COL4A1: variants seen among roughly 807,000 people sequenced by gnomAD.
The protein encoded by COL4A1 is collagen type IV alpha 1 chain, also known as collagen alpha-1(IV) chain.
A neutral mutation model predicts 216.6 loss-of-function variants in COL4A1; 40 were observed. The ratio of observed to expected loss-of-function variants is 0.18; its 90% CI spans 0.14 to 0.24. The LOEUF (loss-of-function observed/expected upper bound fraction) is 0.24, where lower values mean the gene tolerates loss of function less well. COL4A1 is among the 10% of genes least tolerant of loss of function. The pLI, the probability that COL4A1 is intolerant of heterozygous loss-of-function variation, is 1.00. For missense variants in COL4A1, 1,628 were observed against 2,196.8 expected (o/e 0.74, Z 5.18); for synonymous variants, 839 against 810.7 (o/e 1.03, Z -0.59).
At chr13:110,184,872 G>T (rs2139171646) in intron 26 of COL4A1, among the ~76,000 whole-genome samples, 1 of 152,136 alleles carries the variant, frequency 6.6e-6, no homozygotes, top group African/African-American at 2.4e-5. Flanking sequence ...GTTTCACCAT[G>T]TTGGCCAGGC....
intron 18 of COL4A1, among the ~76,000 whole-genome samples, chr13:110,202,238 T>TA (rs564963734): frequency 0.098 from 11,853 of 121,052 alleles, 1,337 homozygotes; most frequent in African/African-American, 0.28. Flanking sequence ...GGAACACTCT[T>TA]AAAAAAAAAA....
intron 41 of COL4A1, among the ~76,000 whole-genome samples, chr13:110,171,423 T>C (rs935710657): frequency 1.3e-5 from 2 of 152,130 alleles, no homozygotes; most frequent in African/African-American, 4.8e-5. Context: ...ATGTCAGCCT[T>C]ATCAAATTGT....
chr13:110,268,773 C>A lies in COL4A1; in HGVS notation c.85-26039G>T, dbSNP rs750024889. Among the ~76,000 whole-genome samples, 2 of 152,218 alleles carry A rather than the reference C, an allele frequency of 1.3e-5. No homozygotes were observed. Among genetic ancestry groups the A allele is most frequent in the Non-Finnish European group, 2.9e-5 (2 of 68,050 alleles). ...ATCAGCTGACTTCCAGGACCACACG[C>A]CTGGCACGTGGGAGGCTCAACAAAT... On this transcript the variant is annotated intron_variant, in intron 1 of 51. Transcript: ENST00000375820. This position sits in a 1 kb window ranked among gnomAD's most constrained non-coding sequence, Gnocchi z 4.1.
rs1408214875 is a variant in COL4A1 at position 110,208,407 on chromosome 13, G to A, written c.693+442C>T. Among the ~76,000 whole-genome samples, 7 of 151,922 alleles carry A rather than the reference G, an allele frequency of 4.6e-5. No individual in the cohort carries two copies. The South Asian group carries it at 8.3e-4, about 18-fold the overall frequency. On this transcript the variant is annotated intron_variant, in intron 12 of 51. Coordinates refer to ENST00000375820, the MANE Select transcript of COL4A1 (RefSeq NM_001845.6). ...CCTGGTGGTGGCCCTGGACATGCCC[G>A]CCTCTGAGAAGAGAGGCCGGTGGTG...
chr13:110,298,611 C>A (rs1884368411), intron 1 of COL4A1: 1 of 152,246 alleles, frequency 6.6e-6, no homozygotes, highest in Non-Finnish European at 1.5e-5. Context: ...TAACCTTCAA[C>A]CGTCTTTTAT....
Position 110,248,458 on chromosome 13 carries a change from G to A in COL4A1, c.85-5724C>T, listed in dbSNP as rs535301759. Among the ~76,000 whole-genome samples the A allele has an allele frequency of 2.6e-3, 392 of 152,300 alleles. 1 individual carries two copies. Among genetic ancestry groups the A allele is most frequent in the Non-Finnish European group, 3.6e-3 (248 of 68,016 alleles). On this transcript the variant is annotated intron_variant, in intron 1 of 51. Transcript: ENST00000375820. ...CCACACGGCAGGGGCGCACTGGTAC[G>A]TTGCTCCAACTGAGGCAAGTTGGAC...
intron 2 of COL4A1, among the ~76,000 whole-genome samples, chr13:110,219,049 G>A (rs184454095): frequency 4.6e-5 from 7 of 152,284 alleles, no homozygotes; most frequent in African/African-American, 1.7e-4. Flanking sequence ...CCTGAATGCC[G>A]CCGCTGGGAA....
chr13:110,238,508 C>T (rs1189422833), intron 2 of COL4A1, among the ~76,000 whole-genome samples: 1 of 152,188 alleles, frequency 6.6e-6, no homozygotes, highest in Non-Finnish European at 1.5e-5. Context: ...AGGCTGGGGT[C>T]CTGCTGAATT....
At chr13:110,153,532 G>A (rs567599046) in intron 50 of COL4A1, among the ~76,000 whole-genome samples, 4 of 152,306 alleles carry the variant, frequency 2.6e-5, no homozygotes, top group East Asian at 1.9e-4. Context: ...ATTCCACTCA[G>A]TATTTCTTAT....
chr13:110,230,039 A>G (rs9521653), intron 2 of COL4A1, among the ~76,000 whole-genome samples: 96,514 of 151,762 alleles, frequency 0.64, 30,886 homozygotes, highest in Admixed American at 0.72. Flanking sequence ...CAAGGGCAGC[A>G]CCCTCCAAAA....
Position 110,268,313 on chromosome 13 carries a change from G to C in COL4A1, c.85-25579C>G, listed in dbSNP as rs1383622963. On this transcript the variant is annotated intron_variant, in intron 1 of 51. Transcript: ENST00000375820. This position sits in a 1 kb window ranked among gnomAD's most constrained non-coding sequence, Gnocchi z 4.1. Reference sequence around the variant, plus strand: ...GAGCACTCTGATGCCTGTCGTGCCAGGCTCAGGAGCTTGGACCTGAATGCA... The same window carrying C: ...GAGCACTCTGATGCCTGTCGTGCCACGCTCAGGAGCTTGGACCTGAATGCA... Among the ~76,000 whole-genome samples, 1 of 152,200 alleles carries C rather than the reference G, an allele frequency of 6.6e-6. No individual in the cohort carries two copies. Among genetic ancestry groups the C allele is most frequent in the Non-Finnish European group, 1.5e-5 (1 of 68,028 alleles).
intron 24 of COL4A1, among the ~76,000 whole-genome samples, chr13:110,191,912 A>G (rs1315246940): frequency 1.3e-5 from 2 of 152,220 alleles, no homozygotes; most frequent in Non-Finnish European, 2.9e-5. Context: ...GAAATCCCAG[A>G]GACCCTGAGG....
At position 110,161,290 on chromosome 13, in the gene COL4A1, T is replaced by C. The variant is rs1877074583; in HGVS notation, c.4542A>G (p.Ala1514=). 1 of 1,614,246 alleles carries C rather than the reference T, an allele frequency of 6.2e-7. No individual in the cohort carries two copies. Among genetic ancestry groups the C allele is most frequent in the East Asian group, 2.2e-5 (1 of 44,888 alleles). ...FCNINNVCNF[A]SRNDYSYWLS... ...GCCAGTACGAGTAGTCATTTCGTGA[T>C]GCAAAGTTGCACACGTTGTTAATAT... The change falls in exon 49 of 52, where the codon GCA becomes GCG. Residue 1514 remains alanine (A), a synonymous_variant. Transcript: ENST00000375820.
chr13:110,179,337 T>C lies in COL4A1; in HGVS notation c.2278A>G (p.Ile760Val). 1.2e-6 allele frequency: 2 copies of C among 1,614,098 alleles called. No individual in the cohort carries two copies. Among genetic ancestry groups the C allele is most frequent in the Non-Finnish European group, 1.7e-6 (2 of 1,180,008 alleles). ...IPGTPGEKGSIGVPGVPGEHG... is the reference protein window; with the variant it reads ...IPGTPGEKGSVGVPGVPGEHG... ...TCTCCAGGAACGCCTGGTACCCCAA[T>C]GCTCCCCTTCTCCCCGGGTGTGCCA... Residue 760 changes from isoleucine (I) to valine (V), a missense_variant, in exon 30 of 52, where the codon ATT (isoleucine) becomes GTT (valine). Physicochemically the swap from Ile to Val is conservative, Grantham distance 29. Coordinates refer to ENST00000375820, the MANE Select transcript of COL4A1 (RefSeq NM_001845.6).
In COL4A1 at chr13:110,266,566, G is replaced by A. The variant is rs530289708; in HGVS notation, c.85-23832C>T. 5.9e-5 allele frequency among the ~76,000 whole-genome samples: 9 copies of A among 152,272 alleles called. No individual in the cohort carries two copies. The East Asian group carries it at 1.7e-3, about 29-fold the overall frequency. ...AATGTGGGGCCTCAGTATACGTCGC[G>A]GAGACCAGATGCTGACTTGGGGAAA... On this transcript the variant is annotated intron_variant, in intron 1 of 51. Coordinates refer to ENST00000375820, the MANE Select transcript of COL4A1 (RefSeq NM_001845.6).
At chr13:110,247,782 A>AT (rs1233518347) in intron 1 of COL4A1, among the ~76,000 whole-genome samples, 3 of 119,702 alleles carry the variant, frequency 2.5e-5, no homozygotes. Context: ...ACCAGCTGCT[A>AT]TGCTACTCGT....
chr13:110,234,910 C>T (rs1319723757), intron 2 of COL4A1, among the ~76,000 whole-genome samples: 2 of 152,146 alleles, frequency 1.3e-5, no homozygotes, highest in Non-Finnish European at 2.9e-5. Context: ...TTCAATTGAT[C>T]TCAAAAAATT....
rs1254581088 is a variant in COL4A1, at chr13:110,292,530, G to A, written c.84+14414C>T. Among the ~76,000 whole-genome samples, 4 of 152,196 alleles carry A rather than the reference G, an allele frequency of 2.6e-5. No homozygotes were observed. The South Asian group carries it at 6.2e-4, about 24-fold the overall frequency. On this transcript the variant is annotated intron_variant, in intron 1 of 51. Transcript: ENST00000375820. ...GACTGGGTAATTTATAAAGTAAGGAGATTTAATTAACTGACAGTTCTACAT... is the reference window on the plus strand; with the variant it reads ...GACTGGGTAATTTATAAAGTAAGGAAATTTAATTAACTGACAGTTCTACAT...
chr13:110,303,647 C>A (rs945615865), intron 1 of COL4A1, among the ~76,000 whole-genome samples: 1 of 152,226 alleles, frequency 6.6e-6, no homozygotes. Flanking sequence ...GCGGAAGCCC[C>A]TCCCAGAAGT....
Sources: allele counts gnomAD v4.1 joint callset (sites outside exome capture counted in the v4.1 genomes callset), GRCh38; gene constraint gnomAD v4.1.1; non-coding constraint Gnocchi (gnomAD v3.1); transcripts MANE v1.5; gene names NCBI Gene and HGNC (gene_info 2026-07-23, HGNC 2026-07-21).